Variants in VEGFC observed in about 807,000 individuals in gnomAD.
VEGFC encodes the protein vascular endothelial growth factor C.
A neutral mutation model predicts 46.1 loss-of-function variants in VEGFC; 12 were observed. That is an observed-to-expected ratio of 0.26 (90% CI 0.17 to 0.42). The LOEUF (loss-of-function observed/expected upper bound fraction) is 0.42. VEGFC is among the 10% of genes least tolerant of loss of function. The pLI, the probability that VEGFC is intolerant of heterozygous loss-of-function variation, is 1.00. For synonymous variants in VEGFC, 232 were observed against 195.5 expected (o/e 1.19, Z -1.56); for missense variants, 488 against 529.4 (o/e 0.92, Z 0.77).
At chr4:176,750,817 T>C (rs1735329675) in intron 1 of VEGFC, among the ~76,000 whole-genome samples, 1 of 151,764 alleles carries the variant, frequency 6.6e-6, no homozygotes, top group African/African-American at 2.4e-5. Flanking sequence ...TTTTTTACCA[T>C]GATGTTACAA....
intron 3 of VEGFC, among the ~76,000 whole-genome samples, chr4:176,715,453 T>G (rs1734681800): frequency 6.6e-6 from 1 of 152,122 alleles, no homozygotes; most frequent in South Asian, 2.1e-4. Flanking sequence ...TAGTAATATC[T>G]ACTGGGAATA....
intron 1 of VEGFC, among the ~76,000 whole-genome samples, chr4:176,752,567 G>A (rs1243122345): frequency 6.6e-6 from 1 of 152,122 alleles, no homozygotes; most frequent in Non-Finnish European, 1.5e-5. Context: ...GTCTTTGAGT[G>A]AGTCTTTAGT....
intron 3 of VEGFC, among the ~76,000 whole-genome samples, chr4:176,725,859 T>A (rs1180904865): frequency 6.6e-6 from 1 of 152,114 alleles, no homozygotes; most frequent in Admixed American, 6.6e-5. Flanking sequence ...ATTATTAATA[T>A]GTTTTAAAAA....
Position 176,792,419 on chromosome 4 carries a change from C to T in VEGFC, c.-108G>A, listed in dbSNP as rs988349189. 8 of 899,552 alleles carry T rather than the reference C, an allele frequency of 8.9e-6. No individual in the cohort carries two copies. Among genetic ancestry groups the T allele is most frequent in the African/African-American group, 1.8e-5 (1 of 56,218 alleles). 55.7% of individuals were successfully genotyped at this position (899,552 alleles called of 1,614,324 possible). The stretch of plus-strand genomic sequence containing the variant: ...CCTCCTGGTCCCTCTCCCCCGGGCT[C>T]CTCCCGGCGACCCCCCCTGGGCGAG... On this transcript the variant is annotated 5_prime_UTR_variant, in exon 1 of 7. Coordinates refer to ENST00000618562, the MANE Select transcript of VEGFC (RefSeq NM_005429.5). This position sits in a 1 kb window ranked among gnomAD's most constrained non-coding sequence, Gnocchi z 6.3.
intron 5 of VEGFC, 70 bp from the exon 6 acceptor site, chr4:176,687,590 T>C (rs1734067841): frequency 7.2e-7 from 1 of 1,386,990 alleles, no homozygotes; most frequent in Non-Finnish European, 9.5e-7. Flanking sequence ...ACAAAAGCTT[T>C]TAAAAGCATC....
intron 1 of VEGFC, among the ~76,000 whole-genome samples, chr4:176,756,916 T>C (rs1490642497): frequency 6.6e-6 from 1 of 152,082 alleles, no homozygotes; most frequent in East Asian, 1.9e-4. Flanking sequence ...CTTTTTGACT[T>C]CCTAATAGAT....
At chr4:176,762,134 AG>A (rs1214348363) in intron 1 of VEGFC, among the ~76,000 whole-genome samples, 2 of 152,208 alleles carry the variant, frequency 1.3e-5, no homozygotes, top group Non-Finnish European at 2.9e-5. Flanking sequence ...GAAACTCACC[AG>A]GTCTTAGGGA....
intron 3 of VEGFC, among the ~76,000 whole-genome samples, chr4:176,719,660 TC>T (rs1245288231): frequency 6.6e-6 from 1 of 152,194 alleles, no homozygotes; most frequent in African/African-American, 2.4e-5. Flanking sequence ...TAGGGCAGGA[TC>T]TATCCATCAC....
chr4:176,709,774 A>C (rs1473699214), intron 4 of VEGFC, among the ~76,000 whole-genome samples: 1 of 152,188 alleles, frequency 6.6e-6, no homozygotes, highest in Non-Finnish European at 1.5e-5. Context: ...GGTGAGATGA[A>C]TGAAACGATG....
At chr4:176,735,616 G>C (rs2111024711) in intron 1 of VEGFC, among the ~76,000 whole-genome samples, 1 of 152,012 alleles carries the variant, frequency 6.6e-6, no homozygotes, top group South Asian at 2.1e-4. Context: ...TGTGTAGGAA[G>C]AGTTCAATGG....
At position 176,743,594 on chromosome 4, in the gene VEGFC, A is replaced by G. The variant is rs544512662; in HGVS notation, c.148-13848T>C. ...ATATTATACCGATATATAAATATAT[A>G]AATTATGAAATATATAATATTATAG... On this transcript the variant is annotated intron_variant, in intron 1 of 6. Transcript: ENST00000618562. Among the ~76,000 whole-genome samples, 25 of 149,922 alleles carry G rather than the reference A, an allele frequency of 1.7e-4. No individual in the cohort carries two copies. In the East Asian group the frequency reaches 4.9e-3, roughly 29 times the overall value.
intron 1 of VEGFC, among the ~76,000 whole-genome samples, chr4:176,731,867 G>A (rs988387859): frequency 4.0e-5 from 6 of 151,714 alleles, no homozygotes; most frequent in East Asian, 1.9e-4. Context: ...GTAAAACTTC[G>A]AAATGAGAAA....
At chr4:176,714,730 C>T (rs1560943328) in intron 3 of VEGFC, among the ~76,000 whole-genome samples, 1 of 152,246 alleles carries the variant, frequency 6.6e-6, no homozygotes, top group African/African-American at 2.4e-5. Flanking sequence ...GACAGATTGC[C>T]GTGAGCAGTA....
At chr4:176,738,389 A>G (rs1385825419) in intron 1 of VEGFC, among the ~76,000 whole-genome samples, 1 of 152,086 alleles carries the variant, frequency 6.6e-6, no homozygotes, top group East Asian at 1.9e-4. Context: ...GAACCCAGGA[A>G]TAAAGCCACA....
chr4:176,772,375 T>G (rs1735738228), intron 1 of VEGFC, among the ~76,000 whole-genome samples: 1 of 152,190 alleles, frequency 6.6e-6, no homozygotes, highest in Admixed American at 6.5e-5. Flanking sequence ...CAAACTGGAA[T>G]TTTAATCTTT....
chr4:176,779,188 T>C (rs982436967), intron 1 of VEGFC, among the ~76,000 whole-genome samples: 9 of 152,160 alleles, frequency 5.9e-5, no homozygotes, highest in African/African-American at 1.7e-4. Flanking sequence ...CAATTAGAGA[T>C]GAAAAGACAA....
chr4:176,718,244 T>C (rs1734727580), intron 3 of VEGFC, among the ~76,000 whole-genome samples: 1 of 150,522 alleles, frequency 6.6e-6, no homozygotes, highest in Non-Finnish European at 1.5e-5. Context: ...TTGCCAAATA[T>C]TAACTTGCTA....
chr4:176,749,132 G>A (rs1379823527), intron 1 of VEGFC, among the ~76,000 whole-genome samples: 2 of 151,898 alleles, frequency 1.3e-5, no homozygotes, highest in Admixed American at 6.6e-5. Context: ...GTATAGACTT[G>A]GTCTCAAATA....
At chr4:176,703,653 A>G (rs780130112) in intron 4 of VEGFC, among the ~76,000 whole-genome samples, 5 of 152,156 alleles carry the variant, frequency 3.3e-5, no homozygotes, top group Non-Finnish European at 7.4e-5. Context: ...AAGAAATGAT[A>G]AATGTTTGAG....
Sources: allele counts gnomAD v4.1 joint callset (sites outside exome capture counted in the v4.1 genomes callset), GRCh38; gene constraint gnomAD v4.1.1; non-coding constraint Gnocchi (gnomAD v3.1); transcripts MANE v1.5; gene names NCBI Gene and HGNC (gene_info 2026-07-23, HGNC 2026-07-21).